The following KLHDC8A variants were observed in gnomAD, a reference collection of about 807,000 sequenced individuals.
The protein encoded by KLHDC8A is kelch domain containing 8A.
Under a neutral mutation model 33.1 loss-of-function variants are expected in KLHDC8A, and 21 were observed. The ratio of observed to expected loss-of-function variants is 0.64; its 90% CI spans 0.45 to 0.91. The LOEUF is 0.91. KLHDC8A is among the 40% of genes least tolerant of loss of function. KLHDC8A has a pLI of 0.00. For missense variants in KLHDC8A, 435 were observed against 483.3 expected, an observed-to-expected ratio of 0.90 and a Z score of 0.94; for synonymous variants, 173 against 193.5, an observed-to-expected ratio of 0.89 and a Z score of 0.88.
chr1:205,353,806 C>T (rs2864860), intron 1 of KLHDC8A, among the ~76,000 whole-genome samples: 32,038 of 152,122 alleles, frequency 0.21, 3,839 homozygotes, highest in East Asian at 0.51. Context: ...TGTTGTATAC[C>T]AGGGACATTT....
intron 1 of KLHDC8A, among the ~76,000 whole-genome samples, chr1:205,352,477 T>C (rs550476240): frequency 6.6e-6 from 1 of 152,126 alleles, no homozygotes; most frequent in Non-Finnish European, 1.5e-5. Flanking sequence ...CCAGGCATCA[T>C]CCAGTGCTTT....
intron 1 of KLHDC8A, among the ~76,000 whole-genome samples, chr1:205,347,651 G>A (rs1662982743): frequency 6.6e-6 from 1 of 152,118 alleles, no homozygotes; most frequent in Admixed American, 6.5e-5. Context: ...GGGGGTAGAG[G>A]CTTCAGTGAA....
chr1:205,355,924 T>C (rs781279857), intron 1 of KLHDC8A, among the ~76,000 whole-genome samples: 6 of 152,224 alleles, frequency 3.9e-5, no homozygotes, highest in Non-Finnish European at 8.8e-5. Context: ...TAGTAGGTAG[T>C]CCATAAGTTT....
Position 205,338,436 on chromosome 1 carries a change from C to G in KLHDC8A, c.859+59G>C. 4 of 1,349,586 alleles carry G rather than the reference C, an allele frequency of 3.0e-6. No homozygotes were observed. The South Asian group carries it at 4.7e-5, about 16-fold the overall frequency. The allele number at this position is 1,349,586 out of a possible 1,614,324, so 83.6% of individuals were successfully genotyped here. ...ACCCTTTCCTGCATATGCAAAGTGC[C>G]AAGGATCCACTGAGCACCAGAACCA... On this transcript the variant is annotated intron_variant, in intron 5 of 5. Transcript: ENST00000367155.
At chr1:205,349,145 G>A (rs1663026109) in intron 1 of KLHDC8A, among the ~76,000 whole-genome samples, 1 of 152,202 alleles carries the variant, frequency 6.6e-6, no homozygotes. Flanking sequence ...GGACTTGATG[G>A]GAGATGGTAT....
Position 205,356,557 on chromosome 1 carries a change from A to AC in KLHDC8A, c.-215dup, listed in dbSNP as rs893465916. On this transcript the variant is annotated 5_prime_UTR_variant, in exon 1 of 6. It removes the in-frame stop codon of an upstream open reading frame in the 5' UTR. Transcript: ENST00000367155. ...CCTGACTGGAGGGAAAAGGATCGAC[A>AC]CCCGGCGATCATCTGCAAAAGACAA... 1 of 456,232 alleles carries AC rather than the reference A, an allele frequency of 2.2e-6. No homozygotes were observed. Among genetic ancestry groups the AC allele is most frequent in the Non-Finnish European group, 4.4e-6 (1 of 226,960 alleles). 28.3% of individuals were successfully genotyped at this position (456,232 alleles called of 1,614,324 possible). A position where few individuals can be genotyped will look rare whatever the true frequency, so the allele number is the denominator to read the frequency against.
intron 1 of KLHDC8A, chr1:205,351,315 T>C (rs1243899995): frequency 4.4e-6 from 4 of 909,128 alleles, no homozygotes; most frequent in Non-Finnish European, 7.5e-6. Context: ...AATTAAATGG[T>C]GGCAGACATG....
At chr1:205,356,158 C>T (rs1663269328) in intron 1 of KLHDC8A, among the ~76,000 whole-genome samples, 1 of 146,758 alleles carries the variant, frequency 6.8e-6, no homozygotes, top group Admixed American at 6.9e-5. Context: ...CCAGGGTTTA[C>T]CTCCCACGTT....
intron 1 of KLHDC8A, among the ~76,000 whole-genome samples, chr1:205,346,688 C>T (rs1027952255): frequency 6.6e-6 from 1 of 152,182 alleles, no homozygotes; most frequent in South Asian, 2.1e-4. Flanking sequence ...CCATGCAGGC[C>T]GTTCAGAGTG....
At chr1:205,344,077 C>G (rs895320399) in intron 1 of KLHDC8A, 2 of 152,912 alleles carry the variant, frequency 1.3e-5, no homozygotes, top group African/African-American at 4.8e-5. Flanking sequence ...GTCGACGCCT[C>G]TCTTTCCCCG....
Position 205,337,578 on chromosome 1 carries a change from C to T in KLHDC8A, c.874G>A (p.Val292Ile), listed in dbSNP as rs1243794502. 1 of 1,611,236 alleles carries T rather than the reference C, an allele frequency of 6.2e-7. No individual in the cohort carries two copies. Among genetic ancestry groups the T allele is most frequent in the Non-Finnish European group, 8.5e-7 (1 of 1,178,410 alleles). Residue 292 changes from valine (V) to isoleucine (I), a missense_variant, in exon 6 of 6, where the codon GTC becomes ATC. Transcript: ENST00000367155. ...VAGGLGNQPT[V>I]LETAEAFHPG... The stretch of plus-strand genomic sequence containing the variant: ...TGGAATGCTTCCGCCGTCTCCAGGA[C>T]AGTGGGTTGATTCCCTGAAAGTGTC...
At chr1:205,346,993 G>A (rs1004333291) in intron 1 of KLHDC8A, among the ~76,000 whole-genome samples, 3 of 152,180 alleles carry the variant, frequency 2.0e-5, no homozygotes, top group Non-Finnish European at 2.9e-5. Flanking sequence ...TATGCAGACC[G>A]TGAGATCTAG....
intron 1 of KLHDC8A, among the ~76,000 whole-genome samples, chr1:205,346,964 T>A (rs1197093865): frequency 6.6e-6 from 1 of 152,172 alleles, no homozygotes; most frequent in African/African-American, 2.4e-5. Context: ...AAGGCTCATA[T>A]CCTACAGGCA....
chr1:205,339,187 A>G lies in KLHDC8A; in HGVS notation c.757+7T>C, dbSNP rs1204899357. ...CCAGAGCTTCCTGGGGAAGGTGACCAGCTCACCCTGTTCCATGTCGAACAC... is the reference window on the plus strand; with the variant it reads ...CCAGAGCTTCCTGGGGAAGGTGACCGGCTCACCCTGTTCCATGTCGAACAC... On this transcript the variant is annotated splice_region_variant and intron_variant, in intron 4 of 5. Coordinates refer to ENST00000367155, the MANE Select transcript of KLHDC8A (RefSeq NM_018203.3). The surrounding 1 kb of genome is among the most constrained non-coding windows in gnomAD (Gnocchi z 5.1). 6.2e-7 allele frequency: 1 copy of G among 1,612,278 alleles called. No individual in the cohort carries two copies. The highest frequency in any genetic ancestry group is 1.1e-5 in the South Asian group (1 of 91,020).
In KLHDC8A at chr1:205,337,189, G is replaced by A. The variant is rs530776193; in HGVS notation, c.*210C>T. Reference sequence around the variant, plus strand: ...CTCTTCAGAGTCAGCTCTGCAGCTGGTGGAGTCATCTGTGCCTCTTACAGT... The same window carrying A: ...CTCTTCAGAGTCAGCTCTGCAGCTGATGGAGTCATCTGTGCCTCTTACAGT... On this transcript the variant is annotated 3_prime_UTR_variant, in exon 6 of 6. Coordinates refer to ENST00000367155, the MANE Select transcript of KLHDC8A (RefSeq NM_018203.3). 95 of 579,744 alleles carry A rather than the reference G, an allele frequency of 1.6e-4. No individual in the cohort carries two copies. Among genetic ancestry groups the A allele is most frequent in the African/African-American group, 1.5e-3 (81 of 53,460 alleles). The allele number at this position is 579,744 out of a possible 1,614,324, so 35.9% of individuals were successfully genotyped here. A position where few individuals can be genotyped will look rare whatever the true frequency, so the allele number is the denominator to read the frequency against.
At chr1:205,342,315 T>G (rs1014585205) in intron 2 of KLHDC8A, among the ~76,000 whole-genome samples, 1 of 152,048 alleles carries the variant, frequency 6.6e-6, no homozygotes, top group Non-Finnish European at 1.5e-5. Flanking sequence ...TCCGTGGGCC[T>G]CCAGGCCTTC....
At chr1:205,353,202 G>GA (rs1176626092) in intron 1 of KLHDC8A, among the ~76,000 whole-genome samples, 5 of 152,084 alleles carry the variant, frequency 3.3e-5, no homozygotes, top group African/African-American at 1.2e-4. Context: ...TGTATGGCCT[G>GA]AAATCTAAGA....
At position 205,339,252 on chromosome 1, in the gene KLHDC8A, A is replaced by C; in HGVS notation, c.699T>G (p.Gly233=). ...GGAACTTGGGCTGCCGGTAGAGGCG[A>C]CCTTGCCGCAGGCCTCCTAGGCTGT... ...HLYSLGGLRQ[G]RLYRQPKFLR... Residue 233 remains glycine (G), a synonymous_variant, in exon 4 of 6, where the codon GGT becomes GGG. Coordinates refer to ENST00000367155, the MANE Select transcript of KLHDC8A (RefSeq NM_018203.3). This position sits in a 1 kb window ranked among gnomAD's most constrained non-coding sequence, Gnocchi z 5.1. The C allele has an allele frequency of 6.2e-7, 1 of 1,614,170 alleles. No homozygotes were observed.
chr1:205,339,176 G>A lies in KLHDC8A; in HGVS notation c.757+18C>T. ...GCAGTGGGCAGCCAGAGCTTCCTGG[G>A]GAAGGTGACCAGCTCACCCTGTTCC... On this transcript the variant is annotated intron_variant, in intron 4 of 5. Coordinates refer to ENST00000367155, the MANE Select transcript of KLHDC8A (RefSeq NM_018203.3). This position sits in a 1 kb window ranked among gnomAD's most constrained non-coding sequence, Gnocchi z 5.1. The A allele has an allele frequency of 6.2e-7, 1 of 1,607,458 alleles. No individual in the cohort carries two copies. The highest frequency in any genetic ancestry group is 1.8e-4 in the Middle Eastern group (1 of 5,532).
Sources: allele counts gnomAD v4.1 joint callset (sites outside exome capture counted in the v4.1 genomes callset), GRCh38; gene constraint gnomAD v4.1.1; non-coding constraint Gnocchi (gnomAD v3.1); transcripts MANE v1.5; gene names NCBI Gene and HGNC (gene_info 2026-07-23, HGNC 2026-07-21).